Variants in TBC1D12 observed in about 807,000 individuals in gnomAD.
The protein encoded by TBC1D12 is TBC1 domain family member 12, also known as TBC1 domain family, member 12.
Under a neutral mutation model 86.7 loss-of-function variants are expected in TBC1D12, and 56 were observed. The observed-to-expected ratio is 0.65, with a 90% CI of 0.52 to 0.81. The LOEUF is 0.81. Among genes scored for constraint, TBC1D12 ranks in the 30% least tolerant of loss-of-function variants. The probability of loss-of-function intolerance (pLI) is 0.00; values close to 1 mark genes in which losing one functional copy is unlikely to be tolerated. For synonymous variants in TBC1D12, 421 were observed against 411.7 expected, an observed-to-expected ratio of 1.02 and a Z score of -0.27; for missense variants, 1,023 against 1,038.8, an observed-to-expected ratio of 0.98 and a Z score of 0.21.
chr10:94,403,714 A>C, intron 1 of TBC1D12, 130 bp downstream of exon 1: 1 of 1,161,726 alleles, frequency 8.6e-7, no homozygotes, highest in South Asian at 1.8e-5. Flanking sequence ...TGCCAGCCCC[A>C]CACGCGTCAG....
intron 3 of TBC1D12, among the ~76,000 whole-genome samples, chr10:94,477,953 G>A (rs974175905): frequency 2.6e-5 from 4 of 152,178 alleles, no homozygotes; most frequent in Non-Finnish European, 5.9e-5. Flanking sequence ...CTCCTAAACT[G>A]TGCCCAGCAA....
chr10:94,520,709 G>T lies in TBC1D12; in HGVS notation c.1762-1246G>T, dbSNP rs184023545. Among the ~76,000 whole-genome samples the T allele has an allele frequency of 3.7e-3, 569 of 152,082 alleles. 1 individual carries two copies. The highest frequency in any genetic ancestry group is 6.8e-3 in the Middle Eastern group (2 of 292). ...GAGTCTCGCTCTGTCACCCAGTCTG[G>T]AGTGCAGTGGCGCAATCTTGGCTTA... is the stretch of plus-strand genomic sequence containing the variant. On this transcript the variant is annotated intron_variant, in intron 9 of 12. Coordinates refer to ENST00000225235, the MANE Select transcript of TBC1D12 (RefSeq NM_015188.2).
chr10:94,478,215 T>G (rs1371898371), intron 3 of TBC1D12, among the ~76,000 whole-genome samples: 1 of 152,108 alleles, frequency 6.6e-6, no homozygotes, highest in Non-Finnish European at 1.5e-5. Context: ...TGAGCTCTGA[T>G]TGTGCCACTG....
chr10:94,474,559 G>T, intron 2 of TBC1D12, 109 bp from the exon 3 acceptor site: 1 of 713,352 alleles, frequency 1.4e-6, no homozygotes, highest in Non-Finnish European at 2.2e-6. Context: ...ATTATTTTTT[G>T]AATTGTATGT....
At chr10:94,459,490 G>T (rs1036484918) in intron 2 of TBC1D12, among the ~76,000 whole-genome samples, 1 of 152,208 alleles carries the variant, frequency 6.6e-6, no homozygotes, top group East Asian at 1.9e-4. Flanking sequence ...CGCGCTGTGC[G>T]CCCGCATTCC....
intron 9 of TBC1D12, among the ~76,000 whole-genome samples, chr10:94,519,453 A>G (rs1049168917): frequency 6.6e-6 from 1 of 152,152 alleles, no homozygotes. Flanking sequence ...GCACTTTGGG[A>G]GGCTGAGGTG....
chr10:94,408,579 A>G (rs895409893), intron 1 of TBC1D12, among the ~76,000 whole-genome samples: 1 of 152,192 alleles, frequency 6.6e-6, no homozygotes, highest in African/African-American at 2.4e-5. Flanking sequence ...GTTCTCAGAA[A>G]CAACAAAGTC....
At chr10:94,523,043 C>CA (rs35912130) in intron 11 of TBC1D12, among the ~76,000 whole-genome samples, 30,756 of 64,404 alleles carry the variant, frequency 0.48, 6,968 homozygotes, top group East Asian at 0.74. Context: ...GACTCCAGCT[C>CA]AAAAAAAAAA....
intron 11 of TBC1D12, among the ~76,000 whole-genome samples, chr10:94,523,907 T>C (rs568132977): frequency 6.6e-6 from 1 of 152,276 alleles, no homozygotes; most frequent in East Asian, 1.9e-4. Flanking sequence ...AGTTTAAGGT[T>C]ACAGTGAGCT....
intron 3 of TBC1D12, among the ~76,000 whole-genome samples, chr10:94,486,157 TGTTA>T (rs2056160092): frequency 6.8e-6 from 1 of 146,448 alleles, no homozygotes; most frequent in African/African-American, 2.5e-5. Context: ...TTTTTTTTTT[TGTTA>T]TTGTTGAACA....
chr10:94,423,783 C>A (rs1312364995), intron 1 of TBC1D12, among the ~76,000 whole-genome samples: 2 of 151,966 alleles, frequency 1.3e-5, no homozygotes, highest in East Asian at 3.9e-4. Flanking sequence ...GACTGAGGGC[C>A]CGGATCATAA....
chr10:94,517,153 G>A (rs555290607), intron 9 of TBC1D12, among the ~76,000 whole-genome samples: 24 of 152,270 alleles, frequency 1.6e-4, no homozygotes, highest in Admixed American at 9.2e-4. Context: ...TGAGGCAGGC[G>A]GATCACTTGA....
chr10:94,474,712 G>A lies in TBC1D12; in HGVS notation c.1140G>A (p.Gln380=). Residue 380 remains glutamine, a synonymous_variant, in exon 3 of 13, where the codon CAG becomes CAA. Coordinates refer to ENST00000225235, the MANE Select transcript of TBC1D12 (RefSeq NM_015188.2). ...RTGRTCKPPP[Q]SSRRKNFEFE... ...GGAGGACCTGTAAACCACCACCTCA[G>A]TCTTCAAGACGCAAGAATTTTGAAT... 1 of 1,614,094 alleles carries A rather than the reference G, an allele frequency of 6.2e-7. No homozygotes were observed. The highest frequency in any genetic ancestry group is 8.5e-7 in the Non-Finnish European group (1 of 1,180,020).
chr10:94,429,017 C>T (rs1554934998), intron 1 of TBC1D12, among the ~76,000 whole-genome samples: 1 of 151,868 alleles, frequency 6.6e-6, no homozygotes, highest in Non-Finnish European at 1.5e-5. Context: ...TTGATTGACT[C>T]TTAATAAAGA....
At chr10:94,510,308 A>C in intron 8 of TBC1D12, 129 bp downstream of exon 8, 4 of 563,738 alleles carry the variant, frequency 7.1e-6, no homozygotes, top group Non-Finnish European at 1.2e-5. Flanking sequence ...CCCTGTATAA[A>C]AAGTGTAAAA....
intron 1 of TBC1D12, among the ~76,000 whole-genome samples, chr10:94,426,731 C>T (rs2055151712): frequency 6.6e-6 from 1 of 152,074 alleles, no homozygotes; most frequent in Non-Finnish European, 1.5e-5. Flanking sequence ...CGCTCGCCAC[C>T]ACACCCGGCT....
intron 2 of TBC1D12, among the ~76,000 whole-genome samples, chr10:94,461,151 T>C (rs1361137815): frequency 6.6e-6 from 1 of 152,180 alleles, no homozygotes; most frequent in African/African-American, 2.4e-5. Context: ...AAGGTAGATA[T>C]AAATGTGGTG....
chr10:94,503,138 C>G (rs1336989546), intron 6 of TBC1D12, among the ~76,000 whole-genome samples: 1 of 152,180 alleles, frequency 6.6e-6, no homozygotes, highest in Admixed American at 6.5e-5. Flanking sequence ...TGTACTACAG[C>G]TACATTGTAT....
chr10:94,431,323 G>A (rs34320768), intron 1 of TBC1D12, among the ~76,000 whole-genome samples: 24,265 of 151,372 alleles, frequency 0.16, 2,507 homozygotes, highest in South Asian at 0.33. Flanking sequence ...ACTAAGGCAC[G>A]AGAATCGCTT....
Sources: allele counts gnomAD v4.1 joint callset (sites outside exome capture counted in the v4.1 genomes callset), GRCh38; gene constraint gnomAD v4.1.1; transcripts MANE v1.5; gene names NCBI Gene and HGNC (gene_info 2026-07-23, HGNC 2026-07-21).